MCHR2: variants seen among roughly 807,000 people sequenced by gnomAD.
The protein encoded by MCHR2 is melanin-concentrating hormone receptor 2.
A neutral mutation model predicts 24.8 loss-of-function variants in MCHR2; 15 were observed. That is an observed-to-expected ratio of 0.60 (90% CI 0.40 to 0.93). MCHR2 has a LOEUF of 0.93. Ranked by LOEUF, MCHR2 falls within the 40% of genes least tolerant of loss-of-function variation. MCHR2 has a pLI of 0.00. For missense variants in MCHR2, 386 were observed against 408.7 expected (o/e 0.94, Z 0.48); for synonymous variants, 151 against 147.6 (o/e 1.02, Z -0.17).
intron 1 of MCHR2, among the ~76,000 whole-genome samples, chr6:99,968,327 A>T (rs1416303158): frequency 6.6e-6 from 1 of 152,200 alleles, no homozygotes; most frequent in Non-Finnish European, 1.5e-5. Flanking sequence ...GAAGAGAACC[A>T]GAGGAAAGTG....
At chr6:99,974,583 C>T (rs1408485998) in intron 1 of MCHR2, among the ~76,000 whole-genome samples, 1 of 152,254 alleles carries the variant, frequency 6.6e-6, no homozygotes, top group Admixed American at 6.5e-5. Flanking sequence ...CTCCATCCAG[C>T]TTTGTTCCGT....
At chr6:99,942,255 T>C (rs2114520413) in intron 4 of MCHR2, among the ~76,000 whole-genome samples, 1 of 152,280 alleles carries the variant, frequency 6.6e-6, no homozygotes, top group Non-Finnish European at 1.5e-5. Context: ...GCTGGCAAAT[T>C]TGGTTCTTCA....
chr6:99,934,366 CT>C (rs765913464), intron 5 of MCHR2, 31 bp downstream of exon 5: 1 of 1,526,066 alleles, frequency 6.6e-7, no homozygotes, highest in Non-Finnish European at 8.7e-7. Context: ...CTAAATTGTT[CT>C]TTTAACAAAT....
chr6:99,921,114 G>A lies in MCHR2; in HGVS notation c.849C>T (p.Ala283=). Reference sequence around the variant, plus strand: ...TGGAGAGGTAATAACCCACATAGAAGGCCAGTGTGGGCTGTTCCATCTGTA... The same window carrying A: ...TGGAGAGGTAATAACCCACATAGAAAGCCAGTGTGGGCTGTTCCATCTGTA... ...VNLQMEQPTL[A]FYVGYYLSIC... Residue 283 remains alanine, a synonymous_variant, in exon 6 of 6, where the codon GCC becomes GCT. Transcript: ENST00000281806. The A allele has an allele frequency of 6.2e-7, 1 of 1,614,154 alleles. No homozygotes were observed. The highest frequency in any genetic ancestry group is 8.5e-7 in the Non-Finnish European group (1 of 1,180,028).
chr6:99,986,188 G>A (rs950834250), intron 1 of MCHR2, among the ~76,000 whole-genome samples: 1 of 152,084 alleles, frequency 6.6e-6, no homozygotes, highest in Non-Finnish European at 1.5e-5. Flanking sequence ...TATTGGGAAG[G>A]ATGCAGAGAA....
At chr6:99,960,334 A>G (rs548101816) in intron 1 of MCHR2, among the ~76,000 whole-genome samples, 1 of 152,352 alleles carries the variant, frequency 6.6e-6, no homozygotes, top group South Asian at 2.1e-4. Context: ...ATAAAAGAGG[A>G]CACAAACAAA....
At chr6:99,969,075 C>G (rs1707093489) in intron 1 of MCHR2, among the ~76,000 whole-genome samples, 1 of 152,020 alleles carries the variant, frequency 6.6e-6, no homozygotes, top group Non-Finnish European at 1.5e-5. Context: ...GTAATTTACC[C>G]TTATATCTCT....
chr6:99,978,523 A>G (rs1330393335), intron 1 of MCHR2, among the ~76,000 whole-genome samples: 1 of 145,010 alleles, frequency 6.9e-6, no homozygotes, highest in African/African-American at 2.6e-5. Flanking sequence ...GGTTCAAGTG[A>G]TTCTCCTGCC....
intron 5 of MCHR2, among the ~76,000 whole-genome samples, chr6:99,924,109 T>G (rs577896544): frequency 2.6e-5 from 4 of 152,246 alleles, no homozygotes; most frequent in Middle Eastern, 3.4e-3. Context: ...TGTTCAGATT[T>G]TGGATTTCTT....
At chr6:99,992,035 G>A (rs1200571031) in intron 1 of MCHR2, among the ~76,000 whole-genome samples, 2 of 152,224 alleles carry the variant, frequency 1.3e-5, no homozygotes, top group East Asian at 3.9e-4. Context: ...TTGGAGATGA[G>A]TAAATTGGAG....
At chr6:99,959,399 C>T (rs1582393898) in intron 1 of MCHR2, among the ~76,000 whole-genome samples, 1 of 151,818 alleles carries the variant, frequency 6.6e-6, no homozygotes, top group East Asian at 2.0e-4. Flanking sequence ...CTGTCTGGAG[C>T]CAGTCTACAA....
chr6:99,929,071 A>T (rs949401471), intron 5 of MCHR2, among the ~76,000 whole-genome samples: 4 of 152,034 alleles, frequency 2.6e-5, no homozygotes, highest in Non-Finnish European at 5.9e-5. Flanking sequence ...GAACATCTTT[A>T]TTTCTGCCTT....
intron 2 of MCHR2, among the ~76,000 whole-genome samples, chr6:99,949,805 C>G (rs75037404): frequency 0.041 from 6,287 of 152,040 alleles, 177 homozygotes; most frequent in Non-Finnish European, 0.06. Context: ...GACCAGCCAG[C>G]TGACTGTCCT....
intron 1 of MCHR2, among the ~76,000 whole-genome samples, chr6:99,974,435 T>C (rs1043199837): frequency 6.6e-6 from 1 of 152,196 alleles, no homozygotes; most frequent in African/African-American, 2.4e-5. Flanking sequence ...CTTCTCTGCA[T>C]TGGTTATTCT....
chr6:99,951,439 T>G lies in MCHR2; in HGVS notation c.183-3468A>C, dbSNP rs866589352. ...AGTCCTATATTTGCCAACCCTTCCCTAGATACATAGAGTGACAGAGTGGAA... is the reference window on the plus strand; with the variant it reads ...AGTCCTATATTTGCCAACCCTTCCCGAGATACATAGAGTGACAGAGTGGAA... On this transcript the variant is annotated intron_variant, in intron 2 of 5. Transcript: ENST00000281806. Among the ~76,000 whole-genome samples, 18 of 152,218 alleles carry G rather than the reference T, an allele frequency of 1.2e-4. 1 individual carries two copies. In the Middle Eastern group the frequency reaches 0.027, roughly 230 times the overall value.
intron 1 of MCHR2, among the ~76,000 whole-genome samples, chr6:99,973,661 G>T (rs1240753453): frequency 6.6e-6 from 1 of 152,104 alleles, no homozygotes; most frequent in African/African-American, 2.4e-5. Context: ...AGCCTTGATG[G>T]TCTTTACATT....
At chr6:99,960,011 C>A (rs1775147154) in intron 1 of MCHR2, among the ~76,000 whole-genome samples, 1 of 151,820 alleles carries the variant, frequency 6.6e-6, no homozygotes, top group South Asian at 2.1e-4. Flanking sequence ...AAATGAACAT[C>A]CAGATTCAAG....
At chr6:99,983,775 C>T (rs1389838227) in intron 1 of MCHR2, among the ~76,000 whole-genome samples, 2 of 152,114 alleles carry the variant, frequency 1.3e-5, no homozygotes, top group African/African-American at 2.4e-5. Context: ...ACACCTTCGC[C>T]TATATTTTTA....
chr6:99,970,444 G>C (rs2114566834), intron 1 of MCHR2, among the ~76,000 whole-genome samples: 1 of 152,188 alleles, frequency 6.6e-6, no homozygotes, highest in Middle Eastern at 3.4e-3. Flanking sequence ...TGAGTTCATT[G>C]TAGATTCTGG....
Sources: gnomAD v4.1 joint callset for allele counts (sites outside exome capture counted in the v4.1 genomes callset) on GRCh38, gnomAD v4.1.1 for gene constraint, MANE v1.5 for transcripts, NCBI Gene and HGNC (gene_info 2026-07-23, HGNC 2026-07-21) for gene names.